The following TENM4 variants were observed in gnomAD, a reference collection of about 807,000 sequenced individuals.
TENM4 encodes teneurin-4.
Under a neutral mutation model 243.3 loss-of-function variants are expected in TENM4, and 82 were observed. The observed-to-expected ratio is 0.34, with a 90% CI of 0.28 to 0.40. TENM4 has a LOEUF of 0.40. TENM4 is among the 10% of genes least tolerant of loss of function. The pLI is 1.00. For synonymous variants in TENM4, 1,412 were observed against 1,456.3 expected (o/e 0.97, Z 0.69); for missense variants, 3,138 against 3,673.3 (o/e 0.85, Z 3.77).
chr11:78,728,259 C>G (rs1855570256), intron 22 of TENM4, among the ~76,000 whole-genome samples: 1 of 152,206 alleles, frequency 6.6e-6, no homozygotes, highest in South Asian at 2.1e-4. Flanking sequence ...AAATCCAGCT[C>G]TGTTCCTTTC....
chr11:78,766,066 G>A (rs1365168270), intron 18 of TENM4, among the ~76,000 whole-genome samples: 1 of 152,126 alleles, frequency 6.6e-6, no homozygotes, highest in Non-Finnish European at 1.5e-5. Flanking sequence ...TTCTGTGATT[G>A]CAGGTGGAGA....
intron 2 of TENM4, among the ~76,000 whole-genome samples, chr11:79,222,604 C>T (rs995002948): frequency 6.6e-6 from 1 of 152,188 alleles, no homozygotes; most frequent in South Asian, 2.1e-4. Context: ...AATGGTTGAA[C>T]CAAGTTACAT....
intron 1 of TENM4, among the ~76,000 whole-genome samples, chr11:79,403,338 A>G (rs772833068): frequency 6.6e-6 from 1 of 152,232 alleles, no homozygotes; most frequent in Non-Finnish European, 1.5e-5. Context: ...AATCAGTTAC[A>G]TTTATACAGC....
intron 1 of TENM4, among the ~76,000 whole-genome samples, chr11:79,306,245 A>C (rs1328799246): frequency 6.6e-6 from 1 of 152,224 alleles, no homozygotes; most frequent in Non-Finnish European, 1.5e-5. Context: ...GCTGTTCTGT[A>C]ACCCAAAGCT....
rs371291078 is a variant in TENM4 at position 78,669,349 on chromosome 11, A to G, written c.6996T>C (p.Ser2332=). Reference sequence around the variant, plus strand: ...AGTCGTAGTAGAGGGAGGTGATCTCAGAGCTGGAGTGGTTGTACAGGTGGG... The same window carrying G: ...AGTCGTAGTAGAGGGAGGTGATCTCGGAGCTGGAGTGGTTGTACAGGTGGG... The part of the protein sequence containing the change: ...KVTHLYNHSS[S]EITSLYYDLQ... The change falls in exon 32 of 34, where the codon TCT becomes TCC. Residue 2332 remains serine, a synonymous_variant. Transcript: ENST00000278550. This position sits in a 1 kb window ranked among gnomAD's most constrained non-coding sequence, Gnocchi z 6.4. 1 of 1,613,806 alleles carries G rather than the reference A, an allele frequency of 6.2e-7. No homozygotes were observed. Among genetic ancestry groups the G allele is most frequent in the African/African-American group, 1.3e-5 (1 of 75,044 alleles).
chr11:78,973,782 T>C (rs72945681), intron 6 of TENM4, among the ~76,000 whole-genome samples: 25,725 of 150,960 alleles, frequency 0.17, 2,875 homozygotes, highest in African/African-American at 0.32. Context: ...GCAAAAACCA[T>C]AATTACTTTT....
intron 1 of TENM4, among the ~76,000 whole-genome samples, chr11:79,368,655 C>T (rs950465731): frequency 6.6e-6 from 1 of 152,214 alleles, no homozygotes; most frequent in Non-Finnish European, 1.5e-5. Context: ...GTTATTTTAT[C>T]TTTCTAGGCC....
intron 25 of TENM4, among the ~76,000 whole-genome samples, chr11:78,716,318 G>T (rs1043035829): frequency 6.6e-6 from 1 of 152,110 alleles, no homozygotes; most frequent in African/African-American, 2.4e-5. Context: ...CTTCCCCACT[G>T]GTAGAACTGG....
intron 6 of TENM4, among the ~76,000 whole-genome samples, chr11:79,016,304 G>A (rs1280852100): frequency 6.6e-6 from 1 of 152,092 alleles, no homozygotes; most frequent in East Asian, 1.9e-4. Flanking sequence ...GTGAACCTGG[G>A]AGACATTTTT....
At chr11:79,323,819 C>T (rs1355550533) in intron 1 of TENM4, among the ~76,000 whole-genome samples, 2 of 152,066 alleles carry the variant, frequency 1.3e-5, no homozygotes, top group Non-Finnish European at 2.9e-5. Flanking sequence ...TTGGACTTGC[C>T]AGTTCCTACA....
chr11:78,824,666 T>G (rs1396671936), intron 12 of TENM4, among the ~76,000 whole-genome samples: 1 of 130,262 alleles, frequency 7.7e-6, no homozygotes, highest in African/African-American at 3.0e-5. Flanking sequence ...CACGTCCGAC[T>G]AATTTTTTGT....
Position 79,079,006 on chromosome 11 carries a change from C to T in TENM4, c.-65-8997G>A, listed in dbSNP as rs181656287. ...TTGTTCTTTCACCTTTTTTAAAAAA[C>T]ATTATTAATTCTTCTGTTGAACTGA... On this transcript the variant is annotated intron_variant, in intron 4 of 33. Transcript: ENST00000278550. Among the ~76,000 whole-genome samples the T allele has an allele frequency of 1.1e-3, 168 of 152,338 alleles. 2 individuals are homozygous for T. In the East Asian group the frequency reaches 0.026, roughly 24 times the overall value.
intron 1 of TENM4, among the ~76,000 whole-genome samples, chr11:79,360,143 T>C (rs1204178040): frequency 6.6e-6 from 1 of 152,200 alleles, no homozygotes; most frequent in Non-Finnish European, 1.5e-5. Context: ...TTTATTCTGC[T>C]TTATTATAGT....
intron 4 of TENM4, among the ~76,000 whole-genome samples, chr11:79,095,611 T>C (rs1020778089): frequency 6.6e-6 from 1 of 151,964 alleles, no homozygotes; most frequent in Non-Finnish European, 1.5e-5. Context: ...CCAGAGGCCC[T>C]TCCAGTTTGA....
intron 2 of TENM4, 45 bp from the exon 3 acceptor site, chr11:79,215,954 A>G (rs1864044697): frequency 1.4e-6 from 1 of 723,762 alleles, no homozygotes; most frequent in African/African-American, 1.9e-5. Context: ...AGGTGGCAAG[A>G]TGCCCCAATC....
chr11:79,192,199 C>A, intron 3 of TENM4, among the ~76,000 whole-genome samples: 1 of 151,942 alleles, frequency 6.6e-6, no homozygotes, highest in Non-Finnish European at 1.5e-5. Flanking sequence ...AGGGGCACCT[C>A]TGCCCGGCCG....
In TENM4 at chr11:78,756,796, C is replaced by A; in HGVS notation, c.2756+9G>T. The stretch of plus-strand genomic sequence containing the variant: ...GAGCCCTGGCTGGAGCTGGGGCCCT[C>A]GGACTCACCCTCCATCAAAGGGGTT... On this transcript the variant is annotated intron_variant, in intron 19 of 33. Coordinates refer to ENST00000278550, the MANE Select transcript of TENM4 (RefSeq NM_001098816.3). 2 of 1,610,030 alleles carry A rather than the reference C, an allele frequency of 1.2e-6. No homozygotes were observed. Among genetic ancestry groups the A allele is most frequent in the South Asian group, 1.1e-5 (1 of 89,922 alleles).
chr11:79,048,368 C>T (rs1022588456), intron 6 of TENM4, among the ~76,000 whole-genome samples: 7 of 152,190 alleles, frequency 4.6e-5, no homozygotes, highest in Non-Finnish European at 1.0e-4. Context: ...TTCAACTTCA[C>T]ACCATTCTTC....
At chr11:79,026,294 A>T (rs1189560497) in intron 6 of TENM4, among the ~76,000 whole-genome samples, 1 of 152,238 alleles carries the variant, frequency 6.6e-6, no homozygotes, top group African/African-American at 2.4e-5. Context: ...GGGTTGTTCA[A>T]CCAGGCACTG....
Sources: allele counts gnomAD v4.1 joint callset (sites outside exome capture counted in the v4.1 genomes callset), GRCh38; gene constraint gnomAD v4.1.1; non-coding constraint Gnocchi (gnomAD v3.1); transcripts MANE v1.5; gene names NCBI Gene and HGNC (gene_info 2026-07-23, HGNC 2026-07-21).